The following NRG3 variants were observed in gnomAD, a reference collection of about 807,000 sequenced individuals.
NRG3 encodes pro-neuregulin-3, membrane-bound isoform.
Under a neutral mutation model 66.9 loss-of-function variants are expected in NRG3, and 31 were observed. The ratio of observed to expected loss-of-function variants is 0.46; its 90% CI spans 0.35 to 0.63. The LOEUF (loss-of-function observed/expected upper bound fraction) is 0.63, where lower values mean the gene tolerates loss of function less well. Among genes scored for constraint, NRG3 ranks in the 20% least tolerant of loss-of-function variants. NRG3 has a pLI of 0.00. For synonymous variants in NRG3, 393 were observed against 359.4 expected (o/e 1.09, Z -1.06); for missense variants, 910 against 878.9 (o/e 1.04, Z -0.45).
chr10:82,194,046 A>C (rs1018175498), intron 1 of NRG3, among the ~76,000 whole-genome samples: 1 of 152,204 alleles, frequency 6.6e-6, no homozygotes, highest in Non-Finnish European at 1.5e-5. Flanking sequence ...ACTAGGAACC[A>C]CTCCAGCCAA....
In NRG3 at chr10:82,695,021, AAAT is replaced by A. The variant is rs563668173; in HGVS notation, c.954-43549_954-43547del. Among the ~76,000 whole-genome samples, 1,056 of 152,264 alleles carry A rather than the reference AAAT, an allele frequency of 6.9e-3. 5 individuals are homozygous for A. Among genetic ancestry groups the A allele is most frequent in the Non-Finnish European group, 0.012 (784 of 68,002 alleles). On this transcript the variant is annotated intron_variant, in intron 2 of 8. Coordinates refer to ENST00000372141, the MANE Select transcript of NRG3 (RefSeq NM_001010848.4). ...CATTTACAATTACAATTACAATCTCAAATAATAATTTTATAAAATAGAATATTG... is the reference window on the plus strand; with the variant it reads ...CATTTACAATTACAATTACAATCTCAAATAATTTTATAAAATAGAATATTG...
intron 3 of NRG3, among the ~76,000 whole-genome samples, chr10:82,772,704 C>CTTTTTT (rs745609399): frequency 1.3e-4 from 15 of 111,688 alleles, no homozygotes; most frequent in East Asian, 2.6e-4. Flanking sequence ...GCTTCCATAT[C>CTTTTTT]TTTTTTTTTT....
At chr10:81,953,160 G>T (rs1849533383) in intron 1 of NRG3, among the ~76,000 whole-genome samples, 1 of 152,082 alleles carries the variant, frequency 6.6e-6, no homozygotes. Context: ...AGTAGCAAAG[G>T]TCTGTGATCC....
At chr10:82,804,654 A>G (rs868238577) in intron 3 of NRG3, among the ~76,000 whole-genome samples, 2 of 152,336 alleles carry the variant, frequency 1.3e-5, no homozygotes, top group Admixed American at 1.3e-4. Flanking sequence ...ATGAGAATGC[A>G]TATGTGAAGC....
intron 3 of NRG3, among the ~76,000 whole-genome samples, chr10:82,748,199 T>C (rs2058720061): frequency 6.6e-6 from 1 of 151,846 alleles, no homozygotes; most frequent in African/African-American, 2.4e-5. Flanking sequence ...AAATATATAA[T>C]TGGTTAAATA....
chr10:82,920,244 G>A (rs1017896410), intron 4 of NRG3, among the ~76,000 whole-genome samples: 1 of 152,068 alleles, frequency 6.6e-6, no homozygotes, highest in Non-Finnish European at 1.5e-5. Flanking sequence ...ATGGAGATAT[G>A]GGTTAACAGT....
intron 2 of NRG3, among the ~76,000 whole-genome samples, chr10:82,690,579 G>C (rs1341076962): frequency 6.6e-6 from 1 of 152,064 alleles, no homozygotes; most frequent in Non-Finnish European, 1.5e-5. Flanking sequence ...GAGTGTAACT[G>C]AGCAAAAATT....
chr10:82,231,009 C>T (rs2076429163), intron 1 of NRG3, among the ~76,000 whole-genome samples: 2 of 152,076 alleles, frequency 1.3e-5, no homozygotes, highest in Admixed American at 1.3e-4. Flanking sequence ...GTCAGTATTA[C>T]AGTGAATGGT....
chr10:82,729,140 C>T (rs999956920), intron 2 of NRG3, among the ~76,000 whole-genome samples: 1 of 152,168 alleles, frequency 6.6e-6, no homozygotes, highest in Admixed American at 6.5e-5. Flanking sequence ...GACCATCCTG[C>T]AGCCAAAGAC....
intron 2 of NRG3, among the ~76,000 whole-genome samples, chr10:82,521,533 G>A (rs1330668666): frequency 5.9e-5 from 9 of 152,028 alleles, no homozygotes; most frequent in Non-Finnish European, 1.5e-5. Context: ...GTAGAGAAGG[G>A]GTTTCACCGT....
chr10:81,965,553 C>A (rs2059699885), intron 1 of NRG3, among the ~76,000 whole-genome samples: 1 of 152,072 alleles, frequency 6.6e-6, no homozygotes, highest in Admixed American at 6.6e-5. Context: ...ACTGAGTTAT[C>A]CCACTTAGTA....
chr10:82,784,544 G>T (rs1476390432), intron 3 of NRG3, among the ~76,000 whole-genome samples: 3 of 152,120 alleles, frequency 2.0e-5, no homozygotes, highest in African/African-American at 7.2e-5. Context: ...AGTGGGCAAA[G>T]GATATGAACA....
intron 1 of NRG3, among the ~76,000 whole-genome samples, chr10:82,093,752 T>C (rs2066168833): frequency 6.6e-6 from 1 of 152,180 alleles, no homozygotes; most frequent in African/African-American, 2.4e-5. Flanking sequence ...AACATTTTAA[T>C]ACATATCTAG....
intron 3 of NRG3, among the ~76,000 whole-genome samples, chr10:82,813,959 A>T (rs72819679): frequency 0.043 from 6,592 of 152,308 alleles, 203 homozygotes; most frequent in Non-Finnish European, 0.066. Flanking sequence ...CCTCAGTCCC[A>T]GATTCATAGA....
chr10:82,142,276 T>A (rs955941107), intron 1 of NRG3, among the ~76,000 whole-genome samples: 2 of 152,196 alleles, frequency 1.3e-5, no homozygotes, highest in South Asian at 4.1e-4. Context: ...GTACTCAACC[T>A]GTTCTCTAAC....
At chr10:82,896,759 C>T (rs1843699738) in intron 4 of NRG3, among the ~76,000 whole-genome samples, 1 of 152,180 alleles carries the variant, frequency 6.6e-6, no homozygotes. Context: ...GTTGTTTCTT[C>T]CCAGTGGACT....
At chr10:81,953,855 AG>A (rs1849590561) in intron 1 of NRG3, among the ~76,000 whole-genome samples, 1 of 152,224 alleles carries the variant, frequency 6.6e-6, no homozygotes, top group East Asian at 1.9e-4. Flanking sequence ...CTAAGCAGGA[AG>A]ATACTGACTC....
chr10:82,427,564 A>G (rs1320370976), intron 2 of NRG3, among the ~76,000 whole-genome samples: 1 of 152,062 alleles, frequency 6.6e-6, no homozygotes, highest in African/African-American at 2.4e-5. Context: ...TCCTAGTTAT[A>G]TGTTGCTAGA....
intron 2 of NRG3, among the ~76,000 whole-genome samples, chr10:82,661,648 G>A (rs575533490): frequency 2.0e-5 from 3 of 152,266 alleles, no homozygotes; most frequent in African/African-American, 4.8e-5. Flanking sequence ...CCTGTGTGCT[G>A]TTGGGCAGGT....
Sources: allele counts gnomAD v4.1 joint callset (sites outside exome capture counted in the v4.1 genomes callset), GRCh38; gene constraint gnomAD v4.1.1; transcripts MANE v1.5; gene names NCBI Gene and HGNC (gene_info 2026-07-23, HGNC 2026-07-21).